The following PAX2 variants were observed in gnomAD, a reference collection of about 807,000 sequenced individuals.
The protein encoded by PAX2 is paired box 2.
In PAX2, 9 loss-of-function variants were observed where a neutral mutation model predicts 41.7. The observed-to-expected ratio is 0.22, with a 90% CI of 0.13 to 0.38. The LOEUF (loss-of-function observed/expected upper bound fraction) is 0.38, where lower values mean the gene tolerates loss of function less well. Among genes scored for constraint, PAX2 ranks in the 10% least tolerant of loss-of-function variants. The probability of loss-of-function intolerance (pLI) is 1.00; values close to 1 mark genes in which losing one functional copy is unlikely to be tolerated. For missense variants in PAX2, 418 were observed against 531.6 expected, an observed-to-expected ratio of 0.79 and a Z score of 2.10; for synonymous variants, 221 against 212.7, an observed-to-expected ratio of 1.04 and a Z score of -0.34.
intron 6 of PAX2, among the ~76,000 whole-genome samples, chr10:100,807,029 C>T (rs1847813944): frequency 6.6e-6 from 1 of 152,076 alleles, no homozygotes; most frequent in Non-Finnish European, 1.5e-5. Context: ...CTACGCTAGA[C>T]TGGGGAGCTC....
intron 1 of PAX2, among the ~76,000 whole-genome samples, chr10:100,737,543 G>A (rs899030009): frequency 6.6e-6 from 1 of 152,238 alleles, no homozygotes; most frequent in Non-Finnish European, 1.5e-5. Context: ...GGGAAAGGCG[G>A]GGGGGAGCTG....
chr10:100,779,487 C>T lies in PAX2; in HGVS notation c.411-11C>T, dbSNP rs541291517. 8.7e-5 allele frequency: 137 copies of T among 1,578,144 alleles called. No individual in the cohort carries two copies. Among genetic ancestry groups the T allele is most frequent in the Non-Finnish European group, 9.5e-5 (110 of 1,160,758 alleles). ...CATTTGATGTGTGATGCTGTTGTGA[C>T]GCTGTTGCAGAATCATCCGGACCAA... On this transcript the variant is annotated splice_polypyrimidine_tract_variant and intron_variant, in intron 3 of 9. Transcript: ENST00000355243.
At chr10:100,771,003 A>G (rs927560091) in intron 3 of PAX2, among the ~76,000 whole-genome samples, 2 of 152,218 alleles carry the variant, frequency 1.3e-5, no homozygotes, top group African/African-American at 4.8e-5. Flanking sequence ...AGTCTTCTCA[A>G]ATAGAGTTCA....
intron 5 of PAX2, among the ~76,000 whole-genome samples, chr10:100,790,453 G>A (rs549232202): frequency 1.3e-5 from 2 of 152,280 alleles, no homozygotes; most frequent in South Asian, 4.1e-4. Context: ...GGTAGGCATT[G>A]TTCTCCTTTC....
exon 1 of PAX2, chr10:100,735,659 C>A: frequency 9.4e-7 from 1 of 1,059,398 alleles, no homozygotes; most frequent in South Asian, 4.4e-5. Flanking sequence ...CGCGGAGGAG[C>A]GGGACAGCCA....
intron 5 of PAX2, among the ~76,000 whole-genome samples, chr10:100,804,874 T>A (rs928282896): frequency 6.6e-6 from 1 of 152,230 alleles, no homozygotes; most frequent in African/African-American, 2.4e-5. Flanking sequence ...CCAAGTTTTG[T>A]GTTCATGGGA....
chr10:100,808,623 C>T (rs773567410), intron 6 of PAX2, among the ~76,000 whole-genome samples: 26 of 152,168 alleles, frequency 1.7e-4, no homozygotes, highest in East Asian at 9.7e-4. Context: ...AGGCAGACAG[C>T]GAGGGGCCCA....
chr10:100,803,184 C>T (rs1411086360), intron 5 of PAX2, among the ~76,000 whole-genome samples: 2 of 152,146 alleles, frequency 1.3e-5, no homozygotes, highest in Admixed American at 6.6e-5. Context: ...CAGTCTTCAG[C>T]GAAAGTAGAG....
Position 100,789,232 on chromosome 10 carries a change from A to T in PAX2, c.616+7867A>T, listed in dbSNP as rs1049855322. Among the ~76,000 whole-genome samples the T allele has an allele frequency of 3.3e-5, 5 of 152,224 alleles. No individual in the cohort carries two copies. In the East Asian group the frequency reaches 7.7e-4, roughly 24 times the overall value. On this transcript the variant is annotated intron_variant, in intron 5 of 9. Transcript: ENST00000355243. ...GCGATTCTCCTGTCTCAGCCTCCTG[A>T]GTAGTTGAGGTTACAGGCACCTGCC...
chr10:100,759,701 G>T lies in PAX2; in HGVS notation c.410+8810G>T, dbSNP rs576999685. Among the ~76,000 whole-genome samples the T allele has an allele frequency of 1.3e-3, 204 of 152,348 alleles. 1 individual carries two copies. The highest frequency in any genetic ancestry group is 4.8e-3 in the African/African-American group (199 of 41,580). Reference sequence around the variant, plus strand: ...GAGGCAGGGCAGCAGGCTGGGAGGAGAACTGTGTTCACCCTGCAGGCACAG... The same window carrying T: ...GAGGCAGGGCAGCAGGCTGGGAGGATAACTGTGTTCACCCTGCAGGCACAG... On this transcript the variant is annotated intron_variant, in intron 3 of 9. Transcript: ENST00000355243.
At position 100,824,353 on chromosome 10, in the gene PAX2, TACACACACACACACACACAC is replaced by T. The variant is rs61572589; in HGVS notation, c.920-271_920-252del. ...GCACAGAGACACAGGCAAAGGCAGATACACACACACACACACACACACACACACACACACACACACACAAA... is the reference window on the plus strand; with the variant it reads ...GCACAGAGACACAGGCAAAGGCAGATACACACACACACACACACACACAAA... On this transcript the variant is annotated intron_variant, in intron 7 of 9. Transcript: ENST00000355243. The surrounding 1 kb of genome is among the most constrained non-coding windows in gnomAD (Gnocchi z 6.6). Among the ~76,000 whole-genome samples, 7 of 135,574 alleles carry T rather than the reference TACACACACACACACACACAC, an allele frequency of 5.2e-5. No homozygotes were observed. The highest frequency in any genetic ancestry group is 1.6e-4 in the African/African-American group (6 of 36,760). The allele number at this position is 135,574 out of a possible 152,430, so 88.9% of individuals were successfully genotyped here.
At chr10:100,744,664 C>T (rs1363274356), upstream of PAX2, among the ~76,000 whole-genome samples, 1 of 152,242 alleles carries the variant, frequency 6.6e-6, no homozygotes, top group African/African-American at 2.4e-5. Context: ...ACATCCTCTG[C>T]CGCCAGCGAC....
At chr10:100,783,812 T>C (rs1236730147) in intron 5 of PAX2, among the ~76,000 whole-genome samples, 1 of 152,094 alleles carries the variant, frequency 6.6e-6, no homozygotes, top group Non-Finnish European at 1.5e-5. Flanking sequence ...AAGCAAGAGA[T>C]TACGGTGCCC....
At chr10:100,800,475 A>T (rs1033617389) in intron 5 of PAX2, among the ~76,000 whole-genome samples, 8 of 151,684 alleles carry the variant, frequency 5.3e-5, no homozygotes, top group African/African-American at 1.9e-4. Context: ...GAGTCTCGCT[A>T]TGTTGCCCAG....
At chr10:100,779,727 A>G in intron 4 of PAX2, 144 bp downstream of exon 4, 1 of 712,498 alleles carries the variant, frequency 1.4e-6, no homozygotes, top group South Asian at 1.5e-5. Context: ...GCTCCTGTCC[A>G]CATAGGGTCT....
chr10:100,811,904 G>A (rs1048739543), intron 7 of PAX2, among the ~76,000 whole-genome samples: 1 of 152,204 alleles, frequency 6.6e-6, no homozygotes, highest in Non-Finnish European at 1.5e-5. Context: ...GGGGATGAGG[G>A]AATGCCCTAG....
chr10:100,793,631 A>C (rs1287655274), intron 5 of PAX2, among the ~76,000 whole-genome samples: 2 of 152,082 alleles, frequency 1.3e-5, no homozygotes, highest in Admixed American at 6.6e-5. Context: ...TTTCCTCCAT[A>C]TCTCCCTCTT....
Position 100,824,694 on chromosome 10 carries a change from GC to G in PAX2, c.972del (p.Thr325LeufsTer45). The G allele has an allele frequency of 6.2e-7, 1 of 1,611,274 alleles. No homozygotes were observed. Among genetic ancestry groups the G allele is most frequent in the African/African-American group, 1.3e-5 (1 of 74,896 alleles). On this transcript the variant is annotated frameshift_variant, in exon 8 of 10. Transcript: ENST00000355243. LOFTEE classifies it high-confidence loss of function. The surrounding 1 kb of genome is among the most constrained non-coding windows in gnomAD (Gnocchi z 6.6). Reference protein sequence around the residue: ...TTLPGYPPHVPPTGQGSYPTS... With the variant: ...TTLPGYPPHVXPTGQGSYPTS... ...CTCTGCCTGGTTACCCCCCTCACGT[GC>G]CCCCCACTGGCCAGGGAAGCTACCC...
chr10:100,784,991 T>C (rs984969032), intron 5 of PAX2, among the ~76,000 whole-genome samples: 3 of 152,210 alleles, frequency 2.0e-5, no homozygotes, highest in African/African-American at 4.8e-5. Context: ...GAGGAAGTTA[T>C]GTTCTGAAGC....
Sources: allele counts gnomAD v4.1 joint callset (sites outside exome capture counted in the v4.1 genomes callset), GRCh38; gene constraint gnomAD v4.1.1; non-coding constraint Gnocchi (gnomAD v3.1); transcripts MANE v1.5; gene names NCBI Gene and HGNC (gene_info 2026-07-23, HGNC 2026-07-21).